AFF3: variants seen among roughly 807,000 people sequenced by gnomAD.
AFF3 encodes ALF transcription elongation factor 3, also known as AF4/FMR2 family member 3.
AFF3 carries 32 observed loss-of-function variants against 129.7 expected under a neutral mutation model. That is an observed-to-expected ratio of 0.25 (90% CI 0.19 to 0.33). AFF3 has a LOEUF of 0.33. Among genes scored for constraint, AFF3 ranks in the 10% least tolerant of loss-of-function variants. The pLI is 1.00. For synonymous variants in AFF3, 644 were observed against 635.4 expected (o/e 1.01, Z -0.20); for missense variants, 1,373 against 1,592.0 (o/e 0.86, Z 2.34).
intron 7 of AFF3, among the ~76,000 whole-genome samples, chr2:99,884,569 T>C (rs950060034): frequency 1.7e-5 from 2 of 120,246 alleles, no homozygotes; most frequent in East Asian, 5.5e-4. Flanking sequence ...TGGCTAATTT[T>C]TGTATTTTTT....
chr2:99,647,560 T>C (rs1371065214), intron 13 of AFF3, among the ~76,000 whole-genome samples: 3 of 152,126 alleles, frequency 2.0e-5, no homozygotes, highest in East Asian at 1.9e-4. Flanking sequence ...GATGGGTTGA[T>C]GGGTGCAGCA....
chr2:99,643,512 T>C (rs903445804), intron 13 of AFF3, among the ~76,000 whole-genome samples: 3 of 152,202 alleles, frequency 2.0e-5, no homozygotes, highest in South Asian at 4.1e-4. Flanking sequence ...CTCCTTTTTT[T>C]TGACCCTTAA....
At chr2:99,748,397 G>C (rs886482155) in intron 9 of AFF3, among the ~76,000 whole-genome samples, 1 of 152,198 alleles carries the variant, frequency 6.6e-6, no homozygotes, top group Non-Finnish European at 1.5e-5. Context: ...AGGCCTGCAA[G>C]ATTCTCTACT....
chr2:100,115,718 A>G (rs889608236), intron 2 of AFF3, among the ~76,000 whole-genome samples: 15 of 152,332 alleles, frequency 9.8e-5, no homozygotes, highest in African/African-American at 3.4e-4. Context: ...GTTTGTCAGA[A>G]TACCAGTATT....
intron 4 of AFF3, among the ~76,000 whole-genome samples, chr2:100,046,279 C>A (rs1309229576): frequency 6.6e-6 from 1 of 152,064 alleles, no homozygotes; most frequent in Non-Finnish European, 1.5e-5. Context: ...CAAGAGAGGC[C>A]CAGTAATGTG....
At chr2:100,025,474 C>T (rs959235591) in intron 4 of AFF3, among the ~76,000 whole-genome samples, 1 of 152,104 alleles carries the variant, frequency 6.6e-6, no homozygotes, top group Non-Finnish European at 1.5e-5. Context: ...ACCATACTGC[C>T]AAAAGCAATT....
intron 12 of AFF3, among the ~76,000 whole-genome samples, chr2:99,671,513 C>A (rs1235211759): frequency 1.3e-5 from 2 of 152,118 alleles, no homozygotes; most frequent in Non-Finnish European, 2.9e-5. Context: ...CTCACTCTTC[C>A]TCGAAATTCT....
chr2:99,996,775 CTG>C (rs1680881860), intron 7 of AFF3, among the ~76,000 whole-genome samples: 1 of 152,074 alleles, frequency 6.6e-6, no homozygotes, highest in Non-Finnish European at 1.5e-5. Flanking sequence ...TCCAGAAAGA[CTG>C]TATGTAATGT....
Position 99,650,780 on chromosome 2 carries a change from TC to T in AFF3, c.1144-1115del, listed in dbSNP as rs1685164373. Among the ~76,000 whole-genome samples, 3 of 146,972 alleles carry T rather than the reference TC, an allele frequency of 2.0e-5. No individual in the cohort carries two copies. In the South Asian group the frequency reaches 6.4e-4, roughly 31 times the overall value. ...TGTATTGATTTGTTTTTTGTTTTTT[TC>T]TTCTACTAAAATTAATGTGTGTGTG... On this transcript the variant is annotated intron_variant, in intron 12 of 24. Coordinates refer to ENST00000672756, the MANE Select transcript of AFF3 (RefSeq NM_001386135.1).
chr2:99,948,604 C>G (rs1339621856), intron 7 of AFF3, among the ~76,000 whole-genome samples: 1 of 152,180 alleles, frequency 6.6e-6, no homozygotes, highest in African/African-American at 2.4e-5. Flanking sequence ...CAGCTTTTTG[C>G]AGATTCTCTG....
intron 4 of AFF3, among the ~76,000 whole-genome samples, chr2:100,092,607 T>C (rs1573400762): frequency 6.6e-6 from 1 of 152,238 alleles, no homozygotes; most frequent in African/African-American, 2.4e-5. Flanking sequence ...CAACCTCCCA[T>C]CCTGCCATTC....
At position 99,554,397 on chromosome 2, in the gene AFF3, G is replaced by A; in HGVS notation, c.3473C>T (p.Ala1158Val). 6.2e-7 allele frequency: 1 copy of A among 1,614,190 alleles called. No individual in the cohort carries two copies. The highest frequency in any genetic ancestry group is 8.5e-7 in the Non-Finnish European group (1 of 1,180,030). The change falls in exon 24 of 25, where the codon GCG (alanine) becomes GTG (valine). Residue 1158 changes from alanine to valine, a missense_variant. Around this residue, in one of 9 missense-constraint regions of AFF3, gnomAD observed 165 missense variants for 234.0 expected, o/e 0.71. Transcript: ENST00000672756. ...VSIPQRIHQM[A>V]ANHVSITNSI... ...GTTGGTGATGCTGACGTGGTTGGCC[G>A]CCATCTGGTGGATGCGCTGTGGGAT... is the stretch of plus-strand genomic sequence containing the variant.
intron 7 of AFF3, among the ~76,000 whole-genome samples, chr2:99,985,938 C>T (rs987867700): frequency 7.9e-5 from 12 of 152,024 alleles, no homozygotes; most frequent in African/African-American, 2.4e-4. Flanking sequence ...CAGTGGCTCA[C>T]GCCTGTAATC....
intron 7 of AFF3, among the ~76,000 whole-genome samples, chr2:99,939,913 A>G (rs1401889708): frequency 6.6e-6 from 1 of 152,216 alleles, no homozygotes; most frequent in East Asian, 1.9e-4. Context: ...CTTGCTCTCA[A>G]TGATGGGTGT....
chr2:100,059,627 T>C (rs1270283748), intron 4 of AFF3, among the ~76,000 whole-genome samples: 1 of 152,232 alleles, frequency 6.6e-6, no homozygotes, highest in Non-Finnish European at 1.5e-5. Flanking sequence ...GTGAATTATA[T>C]CTGAATATAG....
chr2:99,899,502 T>C (rs934235954), intron 7 of AFF3, among the ~76,000 whole-genome samples: 1 of 152,214 alleles, frequency 6.6e-6, no homozygotes, highest in Admixed American at 6.5e-5. Context: ...CTGGGGTCAA[T>C]CGATCCATTT....
intron 10 of AFF3, among the ~76,000 whole-genome samples, chr2:99,728,576 A>T (rs1041869610): frequency 6.6e-6 from 1 of 152,242 alleles, no homozygotes; most frequent in African/African-American, 2.4e-5. Flanking sequence ...TTATAGGAAT[A>T]AACAGTTGTG....
At chr2:100,035,887 C>T (rs1684852302) in intron 4 of AFF3, among the ~76,000 whole-genome samples, 1 of 152,048 alleles carries the variant, frequency 6.6e-6, no homozygotes, top group Non-Finnish European at 1.5e-5. Context: ...TGAAAGTTAT[C>T]TGTTAATCAT....
intron 8 of AFF3, among the ~76,000 whole-genome samples, chr2:99,821,962 G>A (rs1218059067): frequency 6.6e-6 from 1 of 152,134 alleles, no homozygotes; most frequent in Non-Finnish European, 1.5e-5. Flanking sequence ...TGAGAAAGAG[G>A]TGGTATAAAC....
Sources: gnomAD v4.1 joint callset for allele counts (sites outside exome capture counted in the v4.1 genomes callset) on GRCh38, gnomAD v4.1.1 for gene constraint, gnomAD v4.1.1 regional missense constraint, MANE v1.5 for transcripts, NCBI Gene and HGNC (gene_info 2026-07-23, HGNC 2026-07-21) for gene names.